Variants in AAK1 observed in about 807,000 individuals in gnomAD.
AAK1 encodes AP2 associated kinase 1.
Under a neutral mutation model 116.0 loss-of-function variants are expected in AAK1, and 37 were observed. The observed-to-expected ratio is 0.32, with a 90% CI of 0.25 to 0.42. AAK1 has a LOEUF of 0.42. Ranked by LOEUF, AAK1 falls within the 10% of genes least tolerant of loss-of-function variation. The pLI, the probability that AAK1 is intolerant of heterozygous loss-of-function variation, is 1.00. For synonymous variants in AAK1, 458 were observed against 439.9 expected, an observed-to-expected ratio of 1.04 and a Z score of -0.51; for missense variants, 919 against 1,170.6, an observed-to-expected ratio of 0.79 and a Z score of 3.14.
chr2:69,576,171 A>C (rs548443526), intron 2 of AAK1, among the ~76,000 whole-genome samples: 1 of 152,174 alleles, frequency 6.6e-6, no homozygotes, highest in African/African-American at 2.4e-5. Context: ...CACTAGCCCA[A>C]GCTCTCTCCC....
chr2:69,643,689 C>T lies in AAK1; in HGVS notation c.-349G>A, dbSNP rs1675865337. 1.6e-6 allele frequency: 2 copies of T among 1,220,582 alleles called. No individual in the cohort carries two copies. Among genetic ancestry groups the T allele is most frequent in the Non-Finnish European group, 1.0e-6 (1 of 980,912 alleles). The allele number at this position is 1,220,582 out of a possible 1,614,324, so 75.6% of individuals were successfully genotyped here. A position where few individuals can be genotyped will look rare whatever the true frequency, so the allele number is the denominator to read the frequency against. On this transcript the variant is annotated 5_prime_UTR_variant, in exon 1 of 22. Coordinates refer to ENST00000409085, the MANE Select transcript of AAK1 (RefSeq NM_014911.5). ...CGCTGCAGCGAGAGCCGGGGCCGCG[C>T]TCGGCTCCCGCCCGCCCGCCAGCTG...
intron 2 of AAK1, among the ~76,000 whole-genome samples, chr2:69,587,282 CAT>C (rs1377667457): frequency 4.0e-5 from 6 of 150,100 alleles, no homozygotes; most frequent in Admixed American, 2.0e-4. Context: ...TATATACACA[CAT>C]GTATACACAC....
intron 3 of AAK1, among the ~76,000 whole-genome samples, chr2:69,546,268 C>A (rs1375722507): frequency 6.6e-6 from 1 of 152,152 alleles, no homozygotes; most frequent in Non-Finnish European, 1.5e-5. Flanking sequence ...TTTGATGAGA[C>A]AAAAGACTTA....
chr2:69,569,364 A>G (rs1295481208), intron 2 of AAK1, among the ~76,000 whole-genome samples: 1 of 152,168 alleles, frequency 6.6e-6, no homozygotes, highest in African/African-American at 2.4e-5. Context: ...CCATCTATCC[A>G]AACATCAACT....
At chr2:69,635,479 T>C (rs2105266723) in intron 2 of AAK1, among the ~76,000 whole-genome samples, 1 of 152,350 alleles carries the variant, frequency 6.6e-6, no homozygotes, top group South Asian at 2.1e-4. Flanking sequence ...CTTGAAGAGA[T>C]ATTTGTACAT....
At chr2:69,506,689 A>G (rs1213124586) in intron 15 of AAK1, among the ~76,000 whole-genome samples, 3 of 152,200 alleles carry the variant, frequency 2.0e-5, no homozygotes, top group Non-Finnish European at 4.4e-5. Flanking sequence ...TTTCTATAAA[A>G]TGATAGTTAA....
Position 69,580,995 on chromosome 2 carries a change from C to CT in AAK1, c.164-24018dup, listed in dbSNP as rs60442548. 1.9e-3 allele frequency among the ~76,000 whole-genome samples: 277 copies of CT among 147,460 alleles called. 1 individual carries two copies. Among genetic ancestry groups the CT allele is most frequent in the African/African-American group, 5.1e-3 (206 of 40,568 alleles). On this transcript the variant is annotated intron_variant, in intron 2 of 21. Coordinates refer to ENST00000409085, the MANE Select transcript of AAK1 (RefSeq NM_014911.5). Reference sequence around the variant, plus strand: ...TTACAAGCAAATTAATAAAAATGATCTTTTTTTTTTTATAGAAGTACATGT... The same window carrying CT: ...TTACAAGCAAATTAATAAAAATGATCTTTTTTTTTTTTATAGAAGTACATGT...
chr2:69,587,079 TA>T (rs1302359861), intron 2 of AAK1, among the ~76,000 whole-genome samples: 3 of 150,988 alleles, frequency 2.0e-5, no homozygotes, highest in South Asian at 2.1e-4. Context: ...TTCTTTTCTT[TA>T]AAAAAAAACT....
intron 7 of AAK1, 34 bp from the exon 8 acceptor site, chr2:69,530,174 G>C (rs1480466285): frequency 1.3e-5 from 20 of 1,584,648 alleles, no homozygotes; most frequent in Non-Finnish European, 1.7e-5. Flanking sequence ...GCTACTAGTG[G>C]CTTATTTATC....
At chr2:69,637,339 A>C (rs932661201) in intron 2 of AAK1, among the ~76,000 whole-genome samples, 2 of 152,188 alleles carry the variant, frequency 1.3e-5, no homozygotes, top group Non-Finnish European at 2.9e-5. Context: ...CTATTTGCTC[A>C]CATATCTGAA....
intron 13 of AAK1, among the ~76,000 whole-genome samples, chr2:69,510,250 C>T (rs1477753711): frequency 6.6e-6 from 1 of 152,168 alleles, no homozygotes; most frequent in African/African-American, 2.4e-5. Context: ...CTCTTTGCGT[C>T]CATGAGTTCT....
chr2:69,470,362 G>A lies in AAK1; in HGVS notation c.*5507C>T. On this transcript the variant is annotated 3_prime_UTR_variant, in exon 22 of 22. Coordinates refer to ENST00000409085, the MANE Select transcript of AAK1 (RefSeq NM_014911.5). Reference sequence around the variant, plus strand: ...CGTAAAATTTTAGAACCAAACTGGGGAAATCAAGAGACGTACATCAAACTA... The same window carrying A: ...CGTAAAATTTTAGAACCAAACTGGGAAAATCAAGAGACGTACATCAAACTA... 1.0e-6 allele frequency: 1 copy of A among 985,418 alleles called. No homozygotes were observed. The highest frequency in any genetic ancestry group is 1.2e-6 in the Non-Finnish European group (1 of 829,944). 61.0% of individuals were successfully genotyped at this position (985,418 alleles called of 1,614,324 possible).
intron 2 of AAK1, among the ~76,000 whole-genome samples, chr2:69,576,909 T>C (rs1672337929): frequency 6.6e-6 from 1 of 152,186 alleles, no homozygotes; most frequent in African/African-American, 2.4e-5. Flanking sequence ...GGAAGAAACA[T>C]ACATGCAATA....
intron 13 of AAK1, among the ~76,000 whole-genome samples, chr2:69,512,037 T>C (rs1676413967): frequency 6.6e-6 from 1 of 152,108 alleles, no homozygotes; most frequent in Admixed American, 6.5e-5. Flanking sequence ...TCATTCAAGG[T>C]CACAGGGTTA....
At chr2:69,547,444 T>C (rs1281416069) in intron 3 of AAK1, among the ~76,000 whole-genome samples, 3 of 152,024 alleles carry the variant, frequency 2.0e-5, no homozygotes, top group African/African-American at 7.3e-5. Context: ...ATGTAAAAAT[T>C]AGCAAAGGAT....
intron 3 of AAK1, among the ~76,000 whole-genome samples, chr2:69,546,997 T>C (rs375465371): frequency 9.8e-5 from 15 of 152,326 alleles, no homozygotes; most frequent in African/African-American, 3.6e-4. Flanking sequence ...GTGGCATCAG[T>C]ACATTTATAC....
In AAK1 at chr2:69,463,805, C is replaced by T. The variant is rs147130369; in HGVS notation, c.*12064G>A. On this transcript the variant is annotated 3_prime_UTR_variant, in exon 22 of 22. Transcript: ENST00000409085. Reference sequence around the variant, plus strand: ...GGATTACAGGTGTGAGCCACCATGCCCAGCCTATTTTTTTATTTATTTTTT... The same window carrying T: ...GGATTACAGGTGTGAGCCACCATGCTCAGCCTATTTTTTTATTTATTTTTT... 6.6e-6 allele frequency: 1 copy of T among 152,246 alleles called. No individual in the cohort carries two copies. Among genetic ancestry groups the T allele is most frequent in the Non-Finnish European group, 1.5e-5 (1 of 68,156 alleles). The allele number at this position is 152,246 out of a possible 1,614,324, so 9.4% of individuals were successfully genotyped here. A position where few individuals can be genotyped will look rare whatever the true frequency, so the allele number is the denominator to read the frequency against.
chr2:69,505,607 C>G lies in AAK1; in HGVS notation c.2231G>C (p.Gly744Ala). The change falls in exon 16 of 22, where the codon GGT becomes GCT. Residue 744 changes from glycine to alanine, a missense_variant. Gly to Ala is a moderately conservative substitution (Grantham distance 60, BLOSUM62 0). Coordinates refer to ENST00000409085, the MANE Select transcript of AAK1 (RefSeq NM_014911.5). ...SLIPGFQSTQ[G>A]DAFATTSFSA... ...AAATGAGGTCGTAGCAAAAGCATCA[C>G]CTTGGGTTGATTGAAAGCCTGGGAT... 2 of 1,613,702 alleles carry G rather than the reference C, an allele frequency of 1.2e-6. No homozygotes were observed. The highest frequency in any genetic ancestry group is 1.7e-6 in the Non-Finnish European group (2 of 1,179,752).
chr2:69,611,391 T>G (rs1330950823), intron 2 of AAK1, among the ~76,000 whole-genome samples: 2 of 152,218 alleles, frequency 1.3e-5, no homozygotes, highest in African/African-American at 4.8e-5. Flanking sequence ...TTTTGGGCCT[T>G]CGGCCTCAGA....
Sources: gnomAD v4.1 joint callset for allele counts (sites outside exome capture counted in the v4.1 genomes callset) on GRCh38, gnomAD v4.1.1 for gene constraint, MANE v1.5 for transcripts, NCBI Gene and HGNC (gene_info 2026-07-23, HGNC 2026-07-21) for gene names.